The following LCLAT1 variants were observed in gnomAD, a reference collection of about 807,000 sequenced individuals.
LCLAT1 encodes the protein 1-AGP acyltransferase 8.
In LCLAT1, 11 loss-of-function variants were observed where a neutral mutation model predicts 30.7. The observed-to-expected ratio is 0.36, with a 90% CI of 0.23 to 0.59. The LOEUF is 0.59. Ranked by LOEUF, LCLAT1 falls within the 20% of genes least tolerant of loss-of-function variation. The pLI, the probability that LCLAT1 is intolerant of heterozygous loss-of-function variation, is 0.77. For missense variants in LCLAT1, 402 were observed against 458.6 expected (o/e 0.88, Z 1.13); for synonymous variants, 155 against 151.3 (o/e 1.02, Z -0.18).
rs879785422 is a variant in LCLAT1, at chr2:30,640,910, A to G, written c.*291A>G. ...GCTTTTAGCGACAAGGAACACACAC[A>G]TTTTTCTTAAAGGCCCAATCCTAAC... On this transcript the variant is annotated 3_prime_UTR_variant, in exon 6 of 6. Transcript: ENST00000379509. 5.6e-5 allele frequency: 17 copies of G among 304,802 alleles called. No homozygotes were observed. Among genetic ancestry groups the G allele is most frequent in the Admixed American group, 2.5e-4 (5 of 20,050 alleles). The allele number at this position is 304,802 out of a possible 1,614,324, so 18.9% of individuals were successfully genotyped here.
At chr2:30,628,085 T>C (rs1257724962) in intron 5 of LCLAT1, among the ~76,000 whole-genome samples, 2 of 152,188 alleles carry the variant, frequency 1.3e-5, no homozygotes, top group Non-Finnish European at 2.9e-5. Context: ...TATACAACAA[T>C]AGAGTTGTCC....
chr2:30,565,312 T>C (rs963761757), intron 4 of LCLAT1, among the ~76,000 whole-genome samples: 16 of 152,060 alleles, frequency 1.1e-4, no homozygotes, highest in African/African-American at 3.1e-4. Flanking sequence ...TCTTCCTTGT[T>C]GGGGAGAGGA....
chr2:30,515,869 C>G (rs1342861645), intron 1 of LCLAT1, among the ~76,000 whole-genome samples: 1 of 151,984 alleles, frequency 6.6e-6, no homozygotes, highest in Non-Finnish European at 1.5e-5. Context: ...AATTTTCTTC[C>G]AGCAGAAGCT....
chr2:30,457,208 T>G (rs1558448685), intron 1 of LCLAT1, among the ~76,000 whole-genome samples: 1 of 152,208 alleles, frequency 6.6e-6, no homozygotes, highest in Non-Finnish European at 1.5e-5. Flanking sequence ...TTGTGAAAGA[T>G]TAGTTTTATG....
chr2:30,638,453 G>A (rs140775686), intron 5 of LCLAT1, among the ~76,000 whole-genome samples: 66 of 152,254 alleles, frequency 4.3e-4, no homozygotes, highest in African/African-American at 1.5e-3. Flanking sequence ...CACAGGCAAC[G>A]ACTGTTCTGA....
rs370802715 is a variant in LCLAT1, at chr2:30,533,122, T to C, written c.172T>C (p.Leu58=). The change falls in exon 3 of 6, where the codon TTG becomes CTG. Residue 58 remains leucine (L), a synonymous_variant. Transcript: ENST00000379509. Reference sequence around the variant, plus strand: ...ATCTGTATTGTTTTCTTAGGCATTATTGGAGACCATGTTTGGTGTAAAAGT... The same window carrying C: ...ATCTGTATTGTTTTCTTAGGCATTACTGGAGACCATGTTTGGTGTAAAAGT... The part of the protein sequence containing the change: ...ATWLTLPVAL[L]ETMFGVKVII... 2.5e-6 allele frequency: 4 copies of C among 1,611,930 alleles called. No homozygotes were observed. Among genetic ancestry groups the C allele is most frequent in the Non-Finnish European group, 3.4e-6 (4 of 1,178,054 alleles).
chr2:30,550,932 G>A (rs1434471895), intron 3 of LCLAT1, among the ~76,000 whole-genome samples: 2 of 151,798 alleles, frequency 1.3e-5, no homozygotes, highest in Non-Finnish European at 2.9e-5. Context: ...TTATAATCTG[G>A]TACTATCATT....
At chr2:30,544,688 C>T (rs1166177702) in intron 3 of LCLAT1, among the ~76,000 whole-genome samples, 1 of 152,100 alleles carries the variant, frequency 6.6e-6, no homozygotes, top group Non-Finnish European at 1.5e-5. Flanking sequence ...GATGTGTGTC[C>T]TGTGCCTAAG....
At chr2:30,626,141 A>G (rs2096222682) in intron 5 of LCLAT1, among the ~76,000 whole-genome samples, 1 of 152,210 alleles carries the variant, frequency 6.6e-6, no homozygotes, top group African/African-American at 2.4e-5. Context: ...ACATCAGAAC[A>G]TAGAAACTAT....
rs148836640 is a variant in LCLAT1, at chr2:30,583,708, A to G, written c.628+15532A>G. ...AATGAATCTTGACGAGTGAGCTGCC[A>G]TCATTTCTGTGGCAGTCTTTACCAA... On this transcript the variant is annotated intron_variant, in intron 5 of 5. Coordinates refer to ENST00000379509, the MANE Select transcript of LCLAT1 (RefSeq NM_001002257.3). 1.8e-3 allele frequency among the ~76,000 whole-genome samples: 275 copies of G among 152,304 alleles called. 1 individual carries two copies. The highest frequency in any genetic ancestry group is 6.8e-3 in the Middle Eastern group (2 of 294).
intron 5 of LCLAT1, among the ~76,000 whole-genome samples, chr2:30,614,324 A>G (rs1284620179): frequency 6.8e-6 from 1 of 147,278 alleles, no homozygotes; most frequent in African/African-American, 2.5e-5. Context: ...GTTATAGATT[A>G]ACAGAATCTC....
chr2:30,629,167 G>A (rs1668649377), intron 5 of LCLAT1, among the ~76,000 whole-genome samples: 1 of 152,184 alleles, frequency 6.6e-6, no homozygotes, highest in Admixed American at 6.5e-5. Flanking sequence ...ATATGGTAGA[G>A]GGTAAAGAAC....
chr2:30,471,522 T>A (rs906643729), intron 1 of LCLAT1, among the ~76,000 whole-genome samples: 19 of 152,238 alleles, frequency 1.2e-4, no homozygotes, highest in Non-Finnish European at 2.2e-4. Flanking sequence ...TATTGTCTTT[T>A]AATCCCTAAA....
chr2:30,551,516 A>C (rs758165443), intron 3 of LCLAT1, among the ~76,000 whole-genome samples: 2 of 152,172 alleles, frequency 1.3e-5, no homozygotes, highest in South Asian at 2.1e-4. Flanking sequence ...GGCACTTACT[A>C]TGCTCTGTAT....
intron 5 of LCLAT1, among the ~76,000 whole-genome samples, chr2:30,628,438 C>T (rs537063259): frequency 2.0e-5 from 3 of 152,254 alleles, no homozygotes; most frequent in African/African-American, 7.2e-5. Context: ...ATTAAATGCT[C>T]TTCAAGTTTG....
intron 5 of LCLAT1, among the ~76,000 whole-genome samples, chr2:30,588,008 A>G (rs1398466145): frequency 2.0e-5 from 3 of 152,160 alleles, no homozygotes; most frequent in African/African-American, 7.2e-5. Context: ...TCTCTCCCCA[A>G]ATGTCCAACA....
At chr2:30,549,110 T>C (rs1026983571) in intron 3 of LCLAT1, among the ~76,000 whole-genome samples, 1 of 152,238 alleles carries the variant, frequency 6.6e-6, no homozygotes, top group Non-Finnish European at 1.5e-5. Context: ...AATGAAGCTT[T>C]TGTTTTGAAT....
intron 1 of LCLAT1, among the ~76,000 whole-genome samples, chr2:30,516,716 G>A (rs1246860267): frequency 6.6e-6 from 1 of 152,130 alleles, no homozygotes; most frequent in Non-Finnish European, 1.5e-5. Flanking sequence ...ACATCTGGTG[G>A]CCTGTACAGG....
chr2:30,593,065 T>C (rs55789733), intron 5 of LCLAT1, among the ~76,000 whole-genome samples: 19,447 of 152,184 alleles, frequency 0.13, 1,370 homozygotes, highest in South Asian at 0.23. Context: ...CCCTCCCGAC[T>C]TTCCCCTTCC....
Sources: allele counts gnomAD v4.1 joint callset (sites outside exome capture counted in the v4.1 genomes callset), GRCh38; gene constraint gnomAD v4.1.1; transcripts MANE v1.5; gene names NCBI Gene and HGNC (gene_info 2026-07-23, HGNC 2026-07-21).